Variants in UNC13C observed in about 807,000 individuals in gnomAD.
UNC13C encodes the protein unc-13 homolog C.
Under a neutral mutation model 245.4 loss-of-function variants are expected in UNC13C, and 174 were observed. That is an observed-to-expected ratio of 0.71 (90% confidence interval 0.63 to 0.80). UNC13C has a LOEUF of 0.80. Among genes scored for constraint, UNC13C ranks in the 30% least tolerant of loss-of-function variants. The probability of loss-of-function intolerance (pLI) is 0.00; values close to 1 mark genes in which losing one functional copy is unlikely to be tolerated. For missense variants in UNC13C, 2,829 were observed against 2,602.9 expected (o/e 1.09, Z -1.89); for synonymous variants, 992 against 895.1 (o/e 1.11, Z -1.93).
At chr15:54,250,652 A>G (rs970897206) in intron 8 of UNC13C, among the ~76,000 whole-genome samples, 1 of 151,840 alleles carries the variant, frequency 6.6e-6, no homozygotes, top group African/African-American at 2.4e-5. Context: ...TAGAATCCTC[A>G]GGGTGAGTAC....
rs115648819 is a variant in UNC13C, at chr15:54,606,894, T to C, written c.6107-15433T>C. Reference sequence around the variant, plus strand: ...TACTCTGTCCTTAGAGAGCTTACAATTTACCGAATTGGAAATATATGTATT... The same window carrying C: ...TACTCTGTCCTTAGAGAGCTTACAACTTACCGAATTGGAAATATATGTATT... On this transcript the variant is annotated intron_variant, in intron 30 of 32. Transcript: ENST00000260323. Among the ~76,000 whole-genome samples, 303 of 152,294 alleles carry C rather than the reference T, an allele frequency of 2.0e-3. 4 individuals are homozygous for C. The highest frequency in any genetic ancestry group is 7.0e-3 in the African/African-American group (290 of 41,558).
intron 2 of UNC13C, among the ~76,000 whole-genome samples, chr15:54,044,723 T>C (rs896275364): frequency 3.3e-5 from 5 of 152,214 alleles, no homozygotes; most frequent in African/African-American, 1.2e-4. Context: ...CAACATGATG[T>C]TATCAGATAC....
chr15:53,854,122 GTT>G, the UNC13C span, among the ~76,000 whole-genome samples: 972 of 133,528 alleles, frequency 7.3e-3, 12 homozygotes, highest in Non-Finnish European at 9.8e-3. Context: ...GTTTTTATAG[GTT>G]TTTTTTTTTT....
At chr15:54,153,809 G>A (rs2032627674) in intron 4 of UNC13C, among the ~76,000 whole-genome samples, 1 of 151,948 alleles carries the variant, frequency 6.6e-6, no homozygotes, top group South Asian at 2.1e-4. Flanking sequence ...CTAGTAATAG[G>A]TTGAATGACT....
At chr15:54,331,658 A>G (rs1279659728) in intron 14 of UNC13C, among the ~76,000 whole-genome samples, 1 of 152,174 alleles carries the variant, frequency 6.6e-6, no homozygotes, top group Non-Finnish European at 1.5e-5. Context: ...AAGTACAGGA[A>G]TAAAAAGAAG....
chr15:54,453,010 A>C (rs1450617128), intron 19 of UNC13C, among the ~76,000 whole-genome samples: 4 of 152,168 alleles, frequency 2.6e-5, no homozygotes. Flanking sequence ...GACAGGATGC[A>C]TTCTGGTGGT....
intron 2 of UNC13C, among the ~76,000 whole-genome samples, chr15:54,081,544 CTT>C (rs914093265): frequency 2.6e-5 from 4 of 151,800 alleles, no homozygotes; most frequent in African/African-American, 7.3e-5. Flanking sequence ...ATATAATACT[CTT>C]TTATTTATTT....
intron 30 of UNC13C, among the ~76,000 whole-genome samples, chr15:54,601,866 G>A (rs1899449485): frequency 6.6e-6 from 1 of 152,144 alleles, no homozygotes; most frequent in Non-Finnish European, 1.5e-5. Flanking sequence ...CAAAGGTAAG[G>A]AAGTACTGGG....
intron 30 of UNC13C, chr15:54,609,428 TG>T (rs1365996752): frequency 3.3e-4 from 50 of 152,344 alleles, no homozygotes; most frequent in African/African-American, 1.2e-3. Context: ...TCAAAATGAC[TG>T]AGCCACATCA....
chr15:54,525,302 T>C (rs1317234902), intron 24 of UNC13C, among the ~76,000 whole-genome samples: 1 of 152,110 alleles, frequency 6.6e-6, no homozygotes, highest in Non-Finnish European at 1.5e-5. Context: ...AAGGCTTTGT[T>C]ATCTAGCTGT....
chr15:54,047,047 T>C (rs372183268), intron 2 of UNC13C, among the ~76,000 whole-genome samples: 1 of 152,028 alleles, frequency 6.6e-6, no homozygotes, highest in African/African-American at 2.4e-5. Flanking sequence ...TGGGTTCACA[T>C]AAGATTTTCT....
intron 4 of UNC13C, among the ~76,000 whole-genome samples, chr15:54,144,093 T>C (rs1379852864): frequency 6.6e-6 from 1 of 152,176 alleles, no homozygotes; most frequent in African/African-American, 2.4e-5. Context: ...ATATAATCTA[T>C]ACTATTATTT....
Position 54,014,480 on chromosome 15 carries a change from C to T in UNC13C, c.1577C>T (p.Thr526Ile). The T allele has an allele frequency of 9.9e-6, 16 of 1,613,740 alleles. No homozygotes were observed. The South Asian group carries it at 1.5e-4, about 16-fold the overall frequency. ...GATATCTTGGAAAAGCAAACCACAA[C>T]CCATTATGCAGATGCAACACCTCTC... ...ESDILEKQTTTHYADATPLWH... is the reference protein window; with the variant it reads ...ESDILEKQTTIHYADATPLWH... Residue 526 changes from threonine to isoleucine, a missense_variant, in exon 2 of 33, where the codon ACC becomes ATC. By Grantham distance (89) the Thr-to-Ile change is moderately conservative. Transcript: ENST00000260323.
At chr15:54,451,647 C>T (rs1213057513) in intron 19 of UNC13C, among the ~76,000 whole-genome samples, 1 of 152,034 alleles carries the variant, frequency 6.6e-6, no homozygotes, top group Non-Finnish European at 1.5e-5. Flanking sequence ...GTATGTTTCT[C>T]ATTTATATCC....
At chr15:54,377,694 C>T (rs1335699673) in intron 17 of UNC13C, among the ~76,000 whole-genome samples, 1 of 152,198 alleles carries the variant, frequency 6.6e-6, no homozygotes, top group Non-Finnish European at 1.5e-5. Flanking sequence ...TTATAGATAG[C>T]ACAGTCTTTC....
intron 8 of UNC13C, among the ~76,000 whole-genome samples, chr15:54,256,686 C>T (rs989070486): frequency 2.0e-5 from 3 of 152,102 alleles, no homozygotes; most frequent in South Asian, 4.1e-4. Flanking sequence ...ACAACAACAA[C>T]GAAAACACTA....
At chr15:53,972,400 T>C in the UNC13C span, among the ~76,000 whole-genome samples, 3 of 152,310 alleles carry the variant, frequency 2.0e-5, no homozygotes, top group Non-Finnish European at 4.4e-5. Context: ...CTATGTCCAA[T>C]CATATTAAAT....
intron 19 of UNC13C, among the ~76,000 whole-genome samples, chr15:54,453,991 G>C (rs967836082): frequency 2.6e-5 from 4 of 152,060 alleles, no homozygotes; most frequent in Non-Finnish European, 5.9e-5. Flanking sequence ...GCATATTCCA[G>C]ACATTTCATA....
chr15:54,487,496 G>A (rs958643142), intron 19 of UNC13C, among the ~76,000 whole-genome samples: 1 of 152,082 alleles, frequency 6.6e-6, no homozygotes, highest in African/African-American at 2.4e-5. Flanking sequence ...GCCAGGCACA[G>A]TGGCTCACAC....
Sources: gnomAD v4.1 joint callset for allele counts (sites outside exome capture counted in the v4.1 genomes callset) on GRCh38, gnomAD v4.1.1 for gene constraint, MANE v1.5 for transcripts, NCBI Gene and HGNC (gene_info 2026-07-23, HGNC 2026-07-21) for gene names.